CSRP2: variants seen among roughly 807,000 people sequenced by gnomAD.
CSRP2 encodes cysteine and glycine-rich protein 2.
A neutral mutation model predicts 24.6 loss-of-function variants in CSRP2; 18 were observed. The observed-to-expected ratio is 0.73, with a 90% confidence interval of 0.51 to 1.09. CSRP2 has a LOEUF of 1.09. CSRP2 is among the 50% of genes least tolerant of loss of function. CSRP2 has a pLI of 0.00. For synonymous variants in CSRP2, 87 were observed against 84.3 expected, an observed-to-expected ratio of 1.03 and a Z score of -0.18; for missense variants, 215 against 239.4, an observed-to-expected ratio of 0.90 and a Z score of 0.67.
chr12:76,859,568 C>G lies in CSRP2; in HGVS notation c.484G>C (p.Glu162Gln). 6.2e-7 allele frequency: 1 copy of G among 1,613,018 alleles called. No individual in the cohort carries two copies. Among genetic ancestry groups the G allele is most frequent in the Non-Finnish European group, 8.5e-7 (1 of 1,179,590 alleles). Residue 162 changes from glutamate to glutamine, a missense_variant, in exon 5 of 6, where the codon GAA becomes CAA. Transcript: ENST00000311083. ...SLESTTLTEKEGEIYCKGCYA... is the reference protein window; with the variant it reads ...SLESTTLTEKQGEIYCKGCYA... ...TTACCTTTACAATAGATTTCACCTT[C>G]TTTTTCAGTCAGAGTTGTTGATTCA...
At chr12:76,873,993 T>C (rs181970134) in intron 1 of CSRP2, among the ~76,000 whole-genome samples, 1 of 152,308 alleles carries the variant, frequency 6.6e-6, no homozygotes, top group Admixed American at 6.5e-5. Context: ...GTTAGGGGGC[T>C]GAGGATAAAT....
Position 76,866,341 on chromosome 12 carries a change from G to A in CSRP2, c.-1-80C>T. On this transcript the variant is annotated intron_variant, in intron 1 of 5. Transcript: ENST00000311083. ...AGAGGGCTATTTAAGCCCAGGGACA[G>A]CTGCAGATTTTCGTTTCTTTATGAA... 11 of 1,088,466 alleles carry A rather than the reference G, an allele frequency of 1.0e-5. No individual in the cohort carries two copies. In the South Asian group the frequency reaches 1.6e-4, roughly 16 times the overall value. The allele number at this position is 1,088,466 out of a possible 1,614,324, so 67.4% of individuals were successfully genotyped here.
rs111795286 is a variant in CSRP2, at chr12:76,871,541, C to A, written c.-1-5280G>T. Among the ~76,000 whole-genome samples the A allele has an allele frequency of 3.9e-5, 6 of 152,220 alleles. No individual in the cohort carries two copies. In the South Asian group the frequency reaches 1.2e-3, roughly 32 times the overall value. ...ATCCCAGCACTTTGGGAGGCCAAGGCGGGCAGATCACGAGGTCAGGAGATC... is the reference window on the plus strand; with the variant it reads ...ATCCCAGCACTTTGGGAGGCCAAGGAGGGCAGATCACGAGGTCAGGAGATC... On this transcript the variant is annotated intron_variant, in intron 1 of 5. Coordinates refer to ENST00000311083, the MANE Select transcript of CSRP2 (RefSeq NM_001321.3).
chr12:76,872,229 C>T (rs1445426946), intron 1 of CSRP2, among the ~76,000 whole-genome samples: 2 of 152,186 alleles, frequency 1.3e-5, no homozygotes, highest in Non-Finnish European at 2.9e-5. Flanking sequence ...TCCTTGCTAC[C>T]TCTTCTTAGC....
At position 76,870,435 on chromosome 12, in the gene CSRP2, C is replaced by T. The variant is rs140237622; in HGVS notation, c.-1-4174G>A. On this transcript the variant is annotated intron_variant, in intron 1 of 5. Transcript: ENST00000311083. Reference sequence around the variant, plus strand: ...TTCTAAGTTAACTGCACCAGCCAAACGTAAATGTGTCAGCTTTTCAGGAAA... The same window carrying T: ...TTCTAAGTTAACTGCACCAGCCAAATGTAAATGTGTCAGCTTTTCAGGAAA... Among the ~76,000 whole-genome samples the T allele has an allele frequency of 7.0e-3, 1,065 of 152,298 alleles. 10 individuals are homozygous for T. The highest frequency in any genetic ancestry group is 0.024 in the African/African-American group (1,009 of 41,554).
chr12:76,876,966 T>C (rs1417524911), intron 1 of CSRP2, among the ~76,000 whole-genome samples: 1 of 152,244 alleles, frequency 6.6e-6, no homozygotes, highest in African/African-American at 2.4e-5. Context: ...TGATGAAGTA[T>C]TGAGGCCAAA....
intron 3 of CSRP2, chr12:76,861,265 C>G (rs1198134763): frequency 2.6e-5 from 4 of 151,496 alleles, no homozygotes; most frequent in Admixed American, 2.6e-4. Context: ...CAATGTCTTC[C>G]TAGCACTTTG....
At chr12:76,871,713 G>A (rs778719250) in intron 1 of CSRP2, among the ~76,000 whole-genome samples, 7 of 150,526 alleles carry the variant, frequency 4.7e-5, no homozygotes, top group African/African-American at 7.3e-5. Flanking sequence ...GCAGTGAGCC[G>A]AGATAGTGCC....
chr12:76,860,554 G>A (rs1953665916), intron 3 of CSRP2, 141 bp from the exon 4 acceptor site: 6 of 938,002 alleles, frequency 6.4e-6, no homozygotes, highest in Non-Finnish European at 9.3e-6. Flanking sequence ...GCACAGGGGA[G>A]GGAATAAAGA....
rs1953764459 is a variant in CSRP2 at position 76,868,986 on chromosome 12, C to G, written c.-1-2725G>C. ...GCACTGGTTTTAGATGGTACTGACTCTACCCCTATCTTAGTCTGTTTCGTG... is the reference window on the plus strand; with the variant it reads ...GCACTGGTTTTAGATGGTACTGACTGTACCCCTATCTTAGTCTGTTTCGTG... On this transcript the variant is annotated intron_variant, in intron 1 of 5. Transcript: ENST00000311083. Among the ~76,000 whole-genome samples, 4 of 151,568 alleles carry G rather than the reference C, an allele frequency of 2.6e-5. No homozygotes were observed. The South Asian group carries it at 8.3e-4, about 32-fold the overall frequency.
chr12:76,860,580 G>C, intron 3 of CSRP2, 167 bp from the exon 4 acceptor site: 1 of 693,504 alleles, frequency 1.4e-6, no homozygotes, highest in Non-Finnish European at 2.3e-6. Flanking sequence ...TGACTCAGGT[G>C]CCAGCCAGAG....
chr12:76,874,529 T>C (rs1240559862), intron 1 of CSRP2, among the ~76,000 whole-genome samples: 2 of 152,326 alleles, frequency 1.3e-5, no homozygotes, highest in South Asian at 4.1e-4. Context: ...ACTCCACAAA[T>C]GGGCGGGCTT....
intron 1 of CSRP2, among the ~76,000 whole-genome samples, chr12:76,871,540 G>A (rs1226506241): frequency 6.6e-6 from 1 of 152,182 alleles, no homozygotes; most frequent in South Asian, 2.1e-4. Flanking sequence ...GGAGGCCAAG[G>A]CGGGCAGATC....
chr12:76,878,680 G>T (rs894635752), intron 1 of CSRP2, among the ~76,000 whole-genome samples: 2 of 152,380 alleles, frequency 1.3e-5, no homozygotes, highest in Admixed American at 1.3e-4. Context: ...CTGCCCCGCG[G>T]GCCTGGGATC....
chr12:76,861,386 AAAGG>A (rs1284904502), intron 3 of CSRP2: 1 of 149,812 alleles, frequency 6.7e-6, no homozygotes, highest in African/African-American at 2.4e-5. Context: ...TTTTTTAAAA[AAAGG>A]AGGGTTCACT....
intron 3 of CSRP2, chr12:76,862,648 G>A: frequency 1.0e-6 from 1 of 960,422 alleles, no homozygotes; most frequent in Non-Finnish European, 1.4e-6. Context: ...TTGATACGTT[G>A]GCAACAAAGC....
At chr12:76,877,844 C>G (rs1285023247) in intron 1 of CSRP2, among the ~76,000 whole-genome samples, 1 of 152,126 alleles carries the variant, frequency 6.6e-6, no homozygotes, top group Non-Finnish European at 1.5e-5. Flanking sequence ...TGTGGCTGTC[C>G]TATTTGAATT....
intron 1 of CSRP2, among the ~76,000 whole-genome samples, chr12:76,873,993 T>G (rs181970134): frequency 2.0e-5 from 3 of 152,190 alleles, no homozygotes; most frequent in African/African-American, 7.2e-5. Context: ...GTTAGGGGGC[T>G]GAGGATAAAT....
At chr12:76,874,726 C>T (rs182982303) in intron 1 of CSRP2, among the ~76,000 whole-genome samples, 10 of 152,284 alleles carry the variant, frequency 6.6e-5, no homozygotes, top group Non-Finnish European at 1.5e-4. Flanking sequence ...AGCATTACCA[C>T]CTGAGCTCTG....
Sources: allele counts gnomAD v4.1 joint callset (sites outside exome capture counted in the v4.1 genomes callset), GRCh38; gene constraint gnomAD v4.1.1; transcripts MANE v1.5; gene names NCBI Gene and HGNC (gene_info 2026-07-23, HGNC 2026-07-21).